ENDOG: variants seen among roughly 807,000 people sequenced by gnomAD.
The protein encoded by ENDOG is endonuclease G.
Under a neutral mutation model 22.6 loss-of-function variants are expected in ENDOG, and 22 were observed. The ratio of observed to expected loss-of-function variants is 0.97; its 90% CI spans 0.70 to 1.39. The LOEUF (loss-of-function observed/expected upper bound fraction) is 1.39, where lower values mean the gene tolerates loss of function less well. Ranked by LOEUF, ENDOG falls within the 40% of genes most tolerant of loss-of-function variation. The pLI, the probability that ENDOG is intolerant of heterozygous loss-of-function variation, is 0.00. For synonymous variants in ENDOG, 173 were observed against 200.2 expected, an observed-to-expected ratio of 0.86 and a Z score of 1.15; for missense variants, 403 against 431.3, an observed-to-expected ratio of 0.93 and a Z score of 0.58.
chr9:128,819,310 A>G, intron 1 of ENDOG, 125 bp downstream of exon 1: 1 of 1,329,928 alleles, frequency 7.5e-7, no homozygotes, highest in Non-Finnish European at 9.7e-7. Flanking sequence ...CATCGCAGTG[A>G]CATCCCGTGG....
In ENDOG at chr9:128,822,366, T is replaced by G; in HGVS notation, c.650T>G (p.Val217Gly). 1 of 1,613,894 alleles carries G rather than the reference T, an allele frequency of 6.2e-7. No individual in the cohort carries two copies. Among genetic ancestry groups the G allele is most frequent in the Non-Finnish European group, 8.5e-7 (1 of 1,179,988 alleles). The change falls in exon 3 of 3, where the codon GTC (valine) becomes GGC (glycine). Residue 217 changes from valine to glycine, a missense_variant. Coordinates refer to ENST00000372642, the MANE Select transcript of ENDOG (RefSeq NM_004435.2). ...GGGAAATCCTACGTAAAGTACCAGGTCATCGGCAAGAACCACGTGGCAGTG... is the reference window on the plus strand; with the variant it reads ...GGGAAATCCTACGTAAAGTACCAGGGCATCGGCAAGAACCACGTGGCAGTG... ...ADGKSYVKYQ[V>G]IGKNHVAVPT... is the part of the protein sequence containing the mutation.
rs74750652 is a variant in ENDOG, at chr9:128,818,633, C to T, written c.-52C>T. On this transcript the variant is annotated 5_prime_UTR_variant, in exon 1 of 3. Transcript: ENST00000372642. ...TGTGCCCTCGTTGGATCCCGCGACG[C>T]GGCTCCTTTAAGAGCCTCGCGGGTC... is the stretch of plus-strand genomic sequence containing the variant. The T allele has an allele frequency of 0.033, 37,986 of 1,136,264 alleles. 714 individuals are homozygous for T. The highest frequency in any genetic ancestry group is 0.059 in the Middle Eastern group (159 of 2,678). The allele number at this position is 1,136,264 out of a possible 1,614,324, so 70.4% of individuals were successfully genotyped here.
rs1830146034 is a variant in ENDOG at position 128,822,585 on chromosome 9, A to C, written c.869A>C (p.Lys290Thr). ...PNILARAGSL[K>T]AITAGSK is the part of the protein sequence containing the mutation. The stretch of plus-strand genomic sequence containing the variant: ...ATCCTGGCGCGGGCAGGCAGCCTCA[A>C]GGCCATCACGGCGGGCAGTAAGTGA... The change falls in exon 3 of 3, where the codon AAG becomes ACG. Residue 290 changes from lysine to threonine, a missense_variant. By Grantham distance (78) the Lys-to-Thr change is moderately conservative (BLOSUM62 -1). Coordinates refer to ENST00000372642, the MANE Select transcript of ENDOG (RefSeq NM_004435.2). The C allele has an allele frequency of 1.3e-6, 2 of 1,569,734 alleles. No individual in the cohort carries two copies. The highest frequency in any genetic ancestry group is 2.7e-5 in the African/African-American group (2 of 74,290).
intron 2 of ENDOG, chr9:128,821,992 T>G: frequency 6.3e-6 from 2 of 319,704 alleles, no homozygotes; most frequent in South Asian, 3.3e-5. Flanking sequence ...CTTGCCCACT[T>G]GTTGCTCACC....
In ENDOG at chr9:128,820,725, A is replaced by G. The variant is rs565666069; in HGVS notation, c.502-14A>G. 4 of 1,599,832 alleles carry G rather than the reference A, an allele frequency of 2.5e-6. No homozygotes were observed. Among genetic ancestry groups the G allele is most frequent in the Admixed American group, 3.4e-5 (2 of 58,228 alleles). Reference sequence around the variant, plus strand: ...CCCAGCCACAGTCCTGCTAAGCCCTATCTCTCCTACCAGGTGCCCCACCTC... The same window carrying G: ...CCCAGCCACAGTCCTGCTAAGCCCTGTCTCTCCTACCAGGTGCCCCACCTC... On this transcript the variant is annotated splice_polypyrimidine_tract_variant and intron_variant, in intron 1 of 2. Coordinates refer to ENST00000372642, the MANE Select transcript of ENDOG (RefSeq NM_004435.2).
rs1335232143 is a variant in ENDOG, at chr9:128,822,608, T to C, written c.892T>C (p.Ter298ArgextTer?). 1.3e-6 allele frequency: 2 copies of C among 1,567,252 alleles called. No individual in the cohort carries two copies. The highest frequency in any genetic ancestry group is 1.3e-5 in the African/African-American group (1 of 74,202). The change falls in exon 3 of 3, where the codon TGA (stop) becomes CGA (arginine). Residue 298 changes from the stop codon to arginine, a stop_lost. Coordinates refer to ENST00000372642, the MANE Select transcript of ENDOG (RefSeq NM_004435.2). ...SLKAITAGSK[*>R] ...CAAGGCCATCACGGCGGGCAGTAAGTGAGGGTGGAGCCCAGTGAGACTGTG... is the reference window on the plus strand; with the variant it reads ...CAAGGCCATCACGGCGGGCAGTAAGCGAGGGTGGAGCCCAGTGAGACTGTG...
Position 128,822,581 on chromosome 9 carries a change from C to T in ENDOG, c.865C>T (p.Leu289Phe), listed in dbSNP as rs756303083. The T allele has an allele frequency of 2.5e-6, 4 of 1,569,616 alleles. No individual in the cohort carries two copies. In the South Asian group the frequency reaches 4.7e-5, roughly 18 times the overall value. ...AAACATCCTGGCGCGGGCAGGCAGCCTCAAGGCCATCACGGCGGGCAGTAA... is the reference window on the plus strand; with the variant it reads ...AAACATCCTGGCGCGGGCAGGCAGCTTCAAGGCCATCACGGCGGGCAGTAA... ...VPNILARAGS[L>F]KAITAGSK is the part of the protein sequence containing the mutation. Residue 289 changes from leucine to phenylalanine, a missense_variant, in exon 3 of 3, where the codon CTC (leucine) becomes TTC (phenylalanine). Transcript: ENST00000372642.
At chr9:128,821,356 G>A (rs1430976393) in intron 2 of ENDOG, 1 of 174,224 alleles carries the variant, frequency 5.7e-6, no homozygotes, top group Non-Finnish European at 1.2e-5. Context: ...CCTTCCCCAT[G>A]CAGGTCCCCA....
intron 1 of ENDOG, 119 bp downstream of exon 1, chr9:128,819,304 G>A (rs943815237): frequency 6.0e-6 from 8 of 1,339,308 alleles, no homozygotes; most frequent in Admixed American, 7.6e-5. Flanking sequence ...GTCAGGCATC[G>A]CAGTGACATC....
chr9:128,819,294 G>C, intron 1 of ENDOG, 109 bp downstream of exon 1: 3 of 1,356,494 alleles, frequency 2.2e-6, no homozygotes, highest in Non-Finnish European at 2.8e-6. Context: ...CGCGCCCCCG[G>C]TCAGGCATCG....
At chr9:128,820,545 C>A in intron 1 of ENDOG, 194 bp from the exon 2 acceptor site, 1 of 587,624 alleles carries the variant, frequency 1.7e-6, no homozygotes, top group East Asian at 2.8e-5. Context: ...GTGGGAGGGA[C>A]AGAGGGTGGT....
intron 2 of ENDOG, chr9:128,821,522 A>G (rs1830118919): frequency 6.5e-6 from 1 of 154,620 alleles, no homozygotes; most frequent in South Asian, 2.0e-4. Flanking sequence ...GTTTGAATCT[A>G]GATCTGCCTG....
chr9:128,820,974 C>T lies in ENDOG; in HGVS notation c.611+126C>T, dbSNP rs1830101859. ...GTTCCCTACTCATCTGGTTTCTTGGCAAGCCTGTCAGCTTCCCTGCCTCGA... is the reference window on the plus strand; with the variant it reads ...GTTCCCTACTCATCTGGTTTCTTGGTAAGCCTGTCAGCTTCCCTGCCTCGA... On this transcript the variant is annotated intron_variant, in intron 2 of 2. Transcript: ENST00000372642. 4 of 828,978 alleles carry T rather than the reference C, an allele frequency of 4.8e-6. No individual in the cohort carries two copies. The East Asian group carries it at 1.1e-4, about 22-fold the overall frequency. 51.4% of individuals were successfully genotyped at this position (828,978 alleles called of 1,614,324 possible). A position where few individuals can be genotyped will look rare whatever the true frequency, so the allele number is the denominator to read the frequency against.
Position 128,818,551 on chromosome 9 carries a change from T to G in ENDOG, c.-134T>G. On this transcript the variant is annotated 5_prime_UTR_variant, in exon 1 of 3. Transcript: ENST00000372642. The stretch of plus-strand genomic sequence containing the variant: ...TTCTGGGTTCCGAGGCCCAAGCCCT[T>G]GGCAGTGTTTGTGAGTGGAAGGGAG... 1.0e-6 allele frequency: 1 copy of G among 979,088 alleles called. No individual in the cohort carries two copies. Among genetic ancestry groups the G allele is most frequent in the Non-Finnish European group, 1.2e-6 (1 of 806,902 alleles). The allele number at this position is 979,088 out of a possible 1,614,324, so 60.7% of individuals were successfully genotyped here. A position where few individuals can be genotyped will look rare whatever the true frequency, so the allele number is the denominator to read the frequency against.
chr9:128,820,892 G>A lies in ENDOG; in HGVS notation c.611+44G>A, dbSNP rs192190401. ...GGGCGGCAGAACCTCCCACTCACCT[G>A]AGGCCCCTACTGCCACTCACAGGGC... On this transcript the variant is annotated intron_variant, in intron 2 of 2. Coordinates refer to ENST00000372642, the MANE Select transcript of ENDOG (RefSeq NM_004435.2). 9.8e-4 allele frequency: 1,499 copies of A among 1,523,948 alleles called. 7 individuals carry two copies. In the African/African-American group the frequency reaches 0.014, roughly 14 times the overall value. 94.4% of individuals were successfully genotyped at this position (1,523,948 alleles called of 1,614,324 possible).
In ENDOG at chr9:128,820,763, TG is replaced by T. The variant is rs749202156; in HGVS notation, c.528del (p.Trp176Ter). On this transcript the variant is annotated frameshift_variant, in exon 2 of 3. Transcript: ENST00000372642. LOFTEE classifies it high-confidence loss of function. Reference sequence around the variant, plus strand: ...GGTGCCCCACCTCAACCAGAATGCCTGGAACAACCTGGAGAAATATAGCCGC... The same window carrying T: ...GGTGCCCCACCTCAACCAGAATGCCTGAACAACCTGGAGAAATATAGCCGC... ...PQVPHLNQNAWNNLEKYSRSL... is the reference protein window; with the variant it reads ...PQVPHLNQNAXNNLEKYSRSL... 6.2e-7 allele frequency: 1 copy of T among 1,611,676 alleles called. No homozygotes were observed. Among genetic ancestry groups the T allele is most frequent in the South Asian group, 1.1e-5 (1 of 90,538 alleles).
At position 128,819,045 on chromosome 9, in the gene ENDOG, G is replaced by A; in HGVS notation, c.361G>A (p.Val121Met). The A allele has an allele frequency of 6.6e-7, 1 of 1,509,490 alleles. No homozygotes were observed. The highest frequency in any genetic ancestry group is 8.8e-7 in the Non-Finnish European group (1 of 1,136,086). The allele number at this position is 1,509,490 out of a possible 1,614,324, so 93.5% of individuals were successfully genotyped here. Residue 121 changes from valine to methionine, a missense_variant, in exon 1 of 3, where the codon GTG becomes ATG. Transcript: ENST00000372642. ...GTGCGACTTCCGCGAGGACGACTCG[G>A]TGCACGCGTACCACCGTGCCACCAA... is the stretch of plus-strand genomic sequence containing the variant. Reference protein sequence around the residue: ...RECDFREDDSVHAYHRATNAD... With the variant: ...RECDFREDDSMHAYHRATNAD...
chr9:128,820,889 C>T (rs1294736134), intron 2 of ENDOG, 41 bp downstream of exon 2: 1 of 1,545,024 alleles, frequency 6.5e-7, no homozygotes, highest in Non-Finnish European at 8.8e-7. Context: ...CTCCCACTCA[C>T]CTGAGGCCCC....
chr9:128,819,296 C>A, intron 1 of ENDOG, 111 bp downstream of exon 1: 1 of 1,350,460 alleles, frequency 7.4e-7, no homozygotes, highest in South Asian at 1.7e-5. Context: ...CGCCCCCGGT[C>A]AGGCATCGCA....
Sources: allele counts gnomAD v4.1 joint callset, GRCh38; gene constraint gnomAD v4.1.1; transcripts MANE v1.5; gene names NCBI Gene and HGNC (gene_info 2026-07-23, HGNC 2026-07-21).